ABCC11: variants seen among roughly 807,000 people sequenced by gnomAD.
ABCC11 encodes ATP binding cassette subfamily C member 11, also known as ATP-binding cassette sub-family C member 11.
Under a neutral mutation model 149.3 loss-of-function variants are expected in ABCC11, and 135 were observed. The ratio of observed to expected loss-of-function variants is 0.90; its 90% CI spans 0.79 to 1.04. ABCC11 has a LOEUF of 1.04. ABCC11 is among the 50% of genes least tolerant of loss of function. ABCC11 has a pLI of 0.00. For missense variants in ABCC11, 1,680 were observed against 1,722.1 expected (o/e 0.98, Z 0.43); for synonymous variants, 665 against 671.4 (o/e 0.99, Z 0.15).
chr16:48,196,513 T>C (rs967709995), intron 17 of ABCC11, among the ~76,000 whole-genome samples, 192 bp from the exon 18 acceptor site: 1 of 152,150 alleles, frequency 6.6e-6, no homozygotes, highest in Admixed American at 6.5e-5. Context: ...TGGAAAGGGA[T>C]CCATCCTTAG....
chr16:48,227,290 A>G (rs1341709082), intron 4 of ABCC11, among the ~76,000 whole-genome samples: 1 of 152,112 alleles, frequency 6.6e-6, no homozygotes, highest in Non-Finnish European at 1.5e-5. Flanking sequence ...CCTGGCCAAC[A>G]TAGTGAAACC....
chr16:48,221,061 G>T (rs1232281365), intron 6 of ABCC11, among the ~76,000 whole-genome samples: 1 of 152,154 alleles, frequency 6.6e-6, no homozygotes, highest in Non-Finnish European at 1.5e-5. Flanking sequence ...CTGGGAGTGG[G>T]AGTGACATAA....
In ABCC11 at chr16:48,203,292, T is replaced by C; in HGVS notation, c.1814A>G (p.Gln605Arg). The C allele has an allele frequency of 6.3e-7, 1 of 1,577,500 alleles. No homozygotes were observed. Among genetic ancestry groups the C allele is most frequent in the Non-Finnish European group, 8.6e-7 (1 of 1,160,718 alleles). Reference protein sequence around the residue: ...GGAYDKARYLQVLHCCSLNRD... With the variant: ...GGAYDKARYLRVLHCCSLNRD... ...ATTCAGGGAGCAGCAGTGGAGCACC[T>C]GGAGGTATCTGTGAAGGACAGGGAG... Residue 605 changes from glutamine to arginine, a missense_variant, in exon 14 of 30, where the codon CAG becomes CGG. By Grantham distance (43) the Gln-to-Arg change is conservative. Coordinates refer to ENST00000356608, the MANE Select transcript of ABCC11 (RefSeq NM_001370497.1).
Position 48,230,469 on chromosome 16 carries a change from C to T in ABCC11, c.204G>A (p.Leu68=), listed in dbSNP as rs138818358. ...TGGGACGGAAGGGAATCATGGTTCT[C>T]AAGGCAGCATCATACTTCCCCCACG... ...VPPWGKYDAA[L]RTMIPFRPKP... The change falls in exon 3 of 30, where the codon TTG becomes TTA. Residue 68 remains leucine, a synonymous_variant. Coordinates refer to ENST00000356608, the MANE Select transcript of ABCC11 (RefSeq NM_001370497.1). 6 of 1,611,432 alleles carry T rather than the reference C, an allele frequency of 3.7e-6. No individual in the cohort carries two copies. In the African/African-American group the frequency reaches 8.0e-5, roughly 21 times the overall value.
chr16:48,185,907 C>T (rs1966719766), intron 22 of ABCC11, among the ~76,000 whole-genome samples: 1 of 152,122 alleles, frequency 6.6e-6, no homozygotes, highest in South Asian at 2.1e-4. Context: ...ATTTACTGTC[C>T]CCTCTGCCTG....
intron 26 of ABCC11, among the ~76,000 whole-genome samples, chr16:48,173,247 A>G (rs1191146371): frequency 2.0e-5 from 3 of 152,194 alleles, no homozygotes; most frequent in Non-Finnish European, 2.9e-5. Flanking sequence ...TAGGATTTCA[A>G]GTCCACATTT....
At chr16:48,206,075 G>A (rs1968423359) in intron 12 of ABCC11, among the ~76,000 whole-genome samples, 1 of 152,172 alleles carries the variant, frequency 6.6e-6, no homozygotes. Flanking sequence ...CTCCCAAAGT[G>A]CTGGGATTAC....
intron 20 of ABCC11, among the ~76,000 whole-genome samples, chr16:48,188,784 G>T (rs1054631959): frequency 6.6e-6 from 1 of 152,210 alleles, no homozygotes; most frequent in African/African-American, 2.4e-5. Flanking sequence ...ATTTCTTAAA[G>T]GTTCATGGCA....
At chr16:48,187,525 G>T in intron 20 of ABCC11, 98 bp from the exon 21 acceptor site, 1 of 1,012,136 alleles carries the variant, frequency 9.9e-7, no homozygotes, top group Non-Finnish European at 1.5e-6. Context: ...AAGAGCCACG[G>T]ATCCCAGGGG....
At chr16:48,233,581 C>T in intron 1 of ABCC11, among the ~76,000 whole-genome samples, 1 of 152,224 alleles carries the variant, frequency 6.6e-6, no homozygotes, top group Non-Finnish European at 1.5e-5. Flanking sequence ...TAGAATATAG[C>T]TGCATTAAAT....
At chr16:48,243,310 G>A (rs1971099870) in intron 1 of ABCC11, among the ~76,000 whole-genome samples, 1 of 150,884 alleles carries the variant, frequency 6.6e-6, no homozygotes, top group African/African-American at 2.4e-5. Flanking sequence ...GCTGAAGCAG[G>A]AGAATGGCAT....
At chr16:48,214,650 C>G (rs59953548) in intron 9 of ABCC11, among the ~76,000 whole-genome samples, 1 of 152,166 alleles carries the variant, frequency 6.6e-6, no homozygotes, top group Non-Finnish European at 1.5e-5. Context: ...CCACCTCCCC[C>G]ACACCCCCGA....
rs145986516 is a variant in ABCC11 at position 48,170,932 on chromosome 16, T to A, written c.3734A>T (p.Gln1245Leu). The A allele has an allele frequency of 1.1e-3, 1,790 of 1,614,086 alleles. 22 individuals carry two copies. The South Asian group carries it at 0.015, about 14-fold the overall frequency. The change falls in exon 27 of 30, where the codon CAG becomes CTG. Residue 1245 changes from glutamine (Q) to leucine (L), a missense_variant. Gln to Leu is a moderately radical substitution (Grantham distance 113). Transcript: ENST00000356608. ...CCTCTCCAAGGCATCCCAGATCTGC[T>A]GGTCAGTGTGACGGTCAAAGGGATC... is the stretch of plus-strand genomic sequence containing the variant. ...NLDPFDRHTD[Q>L]QIWDALERTF...
At chr16:48,171,397 C>T (rs1965712568) in intron 26 of ABCC11, among the ~76,000 whole-genome samples, 1 of 152,154 alleles carries the variant, frequency 6.6e-6, no homozygotes. Flanking sequence ...AGGAGTGGGA[C>T]ACATGGAGCC....
At position 48,208,283 on chromosome 16, in the gene ABCC11, A is replaced by G. The variant is rs79817502; in HGVS notation, c.1680+142T>C. On this transcript the variant is annotated intron_variant, in intron 12 of 29. Transcript: ENST00000356608. ...CGCACCTCCCGCACAGTGCAAGCACAACCATTTTTGATTTATAAAAATCCC... is the reference window on the plus strand; with the variant it reads ...CGCACCTCCCGCACAGTGCAAGCACGACCATTTTTGATTTATAAAAATCCC... The G allele has an allele frequency of 4.6e-3, 4,089 of 883,560 alleles. 133 individuals carry two copies. In the African/African-American group the frequency reaches 0.062, roughly 13 times the overall value. 54.7% of individuals were successfully genotyped at this position (883,560 alleles called of 1,614,324 possible).
intron 1 of ABCC11, among the ~76,000 whole-genome samples, chr16:48,243,591 T>A (rs935290783): frequency 1.4e-5 from 2 of 147,782 alleles, no homozygotes; most frequent in Non-Finnish European, 3.0e-5. Context: ...TAAACGATAA[T>A]AATGTTAATT....
At chr16:48,176,777 A>T (rs1301581901) in intron 25 of ABCC11, 147 bp downstream of exon 25, 3 of 949,268 alleles carry the variant, frequency 3.2e-6, no homozygotes, top group African/African-American at 3.4e-5. Flanking sequence ...TTCGCTCACC[A>T]GTGTTTGTCT....
At chr16:48,244,258 G>T in intron 1 of ABCC11, 1 of 649,768 alleles carries the variant, frequency 1.5e-6, no homozygotes, top group Non-Finnish European at 2.5e-6. Context: ...TTGGGCCCGG[G>T]GACGGACCGT....
At chr16:48,210,772 T>C in intron 11 of ABCC11, 176 bp downstream of exon 11, 1 of 950,794 alleles carries the variant, frequency 1.1e-6, no homozygotes, top group Non-Finnish European at 1.5e-6. Flanking sequence ...TAATTCACAT[T>C]AAAAAATGAA....
Sources: gnomAD v4.1 joint callset for allele counts (sites outside exome capture counted in the v4.1 genomes callset) on GRCh38, gnomAD v4.1.1 for gene constraint, MANE v1.5 for transcripts, NCBI Gene and HGNC (gene_info 2026-07-23, HGNC 2026-07-21) for gene names.